CIROP: variants seen among roughly 807,000 people sequenced by gnomAD.
CIROP encodes leishmanolysin homolog.
chr14:23,101,614 G>A, the CIROP span: 2 of 702,598 alleles, frequency 2.8e-6, no homozygotes, highest in South Asian at 1.5e-5. Flanking sequence ...TGCCTTTGAA[G>A]TTGACTGCCT....
At chr14:23,099,682 T>C in the CIROP span, 1 of 360,274 alleles carries the variant, frequency 2.8e-6, no homozygotes, top group East Asian at 4.2e-5. Flanking sequence ...GCCTCAACCT[T>C]CCGAATAGCT....
At chr14:23,102,275 G>A in the CIROP span, 1 of 702,792 alleles carries the variant, frequency 1.4e-6, no homozygotes, top group Non-Finnish European at 2.6e-6. Flanking sequence ...TCCTGGAGGA[G>A]GTGGCAGATG....
At chr14:23,099,557 CTTTTTTT>C in the CIROP span, 8 of 308,614 alleles carry the variant, frequency 2.6e-5, no homozygotes, top group South Asian at 1.8e-4. Context: ...GCGGCATTAC[CTTTTTTT>C]TTTTTTTTTT....
the CIROP span, chr14:23,104,460 G>T: frequency 8.5e-6 from 6 of 702,996 alleles, no homozygotes; most frequent in East Asian, 1.6e-4. Flanking sequence ...CAGAAGCAGG[G>T]GTCCTTGCAC....
chr14:23,101,762 C>G, the CIROP span: 1 of 702,872 alleles, frequency 1.4e-6, no homozygotes, highest in Non-Finnish European at 2.6e-6. Flanking sequence ...GGCAGCCCAG[C>G]CCACTGTGTG....
chr14:23,102,958 T>A, the CIROP span: 1 of 596,048 alleles, frequency 1.7e-6, no homozygotes, highest in African/African-American at 1.9e-5. Flanking sequence ...AGGCTGGGGC[T>A]GGTGAGATGT....
the CIROP span, chr14:23,104,641 C>T: frequency 1.4e-5 from 10 of 702,760 alleles, no homozygotes; most frequent in East Asian, 8.0e-5. Context: ...TCTCTCACTG[C>T]GGCCAGGGCT....
the CIROP span, chr14:23,104,436 G>A: frequency 1.4e-6 from 1 of 703,042 alleles, no homozygotes; most frequent in South Asian, 1.5e-5. Flanking sequence ...GCAATACTGT[G>A]CAGGGTCTCG....
chr14:23,104,369 A>T, the CIROP span: 1 of 702,540 alleles, frequency 1.4e-6, no homozygotes, highest in Non-Finnish European at 2.6e-6. Flanking sequence ...ATACATTGTC[A>T]ACGACGTGAA....
At chr14:23,099,399 T>C in the CIROP span, 1 of 413,324 alleles carries the variant, frequency 2.4e-6, no homozygotes, top group Non-Finnish European at 4.4e-6. Flanking sequence ...TGGTTCCCAT[T>C]ACACCCACCA....
the CIROP span, chr14:23,101,882 T>C: frequency 1.8e-3 from 1,280 of 702,440 alleles, 12 homozygotes; most frequent in African/African-American, 0.019. Context: ...GTCCCACATG[T>C]GGTCACCAAG....
chr14:23,100,749 G>C, the CIROP span: 2 of 398,562 alleles, frequency 5.0e-6, no homozygotes, highest in African/African-American at 4.1e-5. Flanking sequence ...TGAAACAGAT[G>C]CAGGCTTAAG....
chr14:23,102,181 C>T, the CIROP span: 4,022 of 702,922 alleles, frequency 5.7e-3, 112 homozygotes, highest in African/African-American at 0.062. Context: ...TGGGTCGAGT[C>T]GAGTGCGCTG....
chr14:23,100,770 AC>A, the CIROP span: 2 of 398,768 alleles, frequency 5.0e-6, no homozygotes, highest in Non-Finnish European at 8.8e-6. Flanking sequence ...AGTGGGATGA[AC>A]AAGTCTTCAG....
chr14:23,101,046 G>A, the CIROP span: 12 of 399,150 alleles, frequency 3.0e-5, no homozygotes, highest in African/African-American at 1.6e-4. Context: ...AGCCGACCCC[G>A]GGGACAGAAG....
chr14:23,099,401 C>T, the CIROP span: 2 of 413,486 alleles, frequency 4.8e-6, no homozygotes, highest in East Asian at 3.6e-5. Flanking sequence ...GTTCCCATTA[C>T]ACCCACCAGG....
chr14:23,104,387 G>A, the CIROP span: 34 of 702,868 alleles, frequency 4.8e-5, no homozygotes, highest in Non-Finnish European at 7.3e-5. Flanking sequence ...GAACTCACCT[G>A]TGGTAGTTTG....
At chr14:23,103,384 T>C in the CIROP span, 4 of 384,024 alleles carry the variant, frequency 1.0e-5, no homozygotes, top group South Asian at 6.1e-5. Context: ...ACCCCGTCTC[T>C]ACAAAAAAAA....
chr14:23,101,927 G>C, the CIROP span: 2 of 701,686 alleles, frequency 2.9e-6, no homozygotes, highest in Non-Finnish European at 5.2e-6. Context: ...TGACAGATGA[G>C]AAGGAAAGAG....
Sources: gnomAD v4.1 joint callset for allele counts on GRCh38, gnomAD v4.1.1 for gene constraint, MANE v1.5 for transcripts, NCBI Gene and HGNC (gene_info 2026-07-23, HGNC 2026-07-21) for gene names.